CCL17: variants seen among roughly 807,000 people sequenced by gnomAD.
The protein encoded by CCL17 is C-C motif chemokine ligand 17.
In CCL17, 8 loss-of-function variants were observed where a neutral mutation model predicts 7.4. The observed-to-expected ratio is 1.09, with a 90% CI of 0.64 to 1.96. The LOEUF (loss-of-function observed/expected upper bound fraction) is 1.96, where lower values mean the gene tolerates loss of function less well. CCL17 is among the 30% of genes most tolerant of loss of function. The pLI is 0.00. For synonymous variants in CCL17, 40 were observed against 46.1 expected (o/e 0.87, Z 0.54); for missense variants, 102 against 113.0 (o/e 0.90, Z 0.44).
intron 1 of CCL17, among the ~76,000 whole-genome samples, chr16:57,411,334 C>G (rs1902782088): frequency 6.6e-6 from 1 of 152,120 alleles, no homozygotes; most frequent in South Asian, 2.1e-4. Context: ...TCAGCTGCCC[C>G]TGCCAGCCAG....
At chr16:57,402,459 A>C (rs1156423242), upstream of CCL17, among the ~76,000 whole-genome samples, 3 of 152,162 alleles carry the variant, frequency 2.0e-5, no homozygotes, top group African/African-American at 7.2e-5. Context: ...GTTTGGCAGG[A>C]CAATCCCCCC....
chr16:57,397,852 T>G, the CCL17 span, among the ~76,000 whole-genome samples: 4 of 152,354 alleles, frequency 2.6e-5, no homozygotes, highest in South Asian at 2.1e-4. Context: ...TTTCAAGTAC[T>G]GTTACATCAG....
intron 1 of CCL17, among the ~76,000 whole-genome samples, chr16:57,412,600 C>T (rs41525545): frequency 0.027 from 4,094 of 152,308 alleles, 79 homozygotes; most frequent in East Asian, 0.083. Context: ...AAGCCACCTG[C>T]GCCATGTTTT....
rs1423297216 is a variant in CCL17, at chr16:57,415,786, G to A, written c.210G>A (p.Arg70=). The A allele has an allele frequency of 6.2e-6, 10 of 1,612,374 alleles. No homozygotes were observed. Among genetic ancestry groups the A allele is most frequent in the African/African-American group, 2.7e-5 (2 of 74,902 alleles). The part of the protein sequence containing the change: ...DAIVFVTVQG[R]AICSDPNNKR... ...GTAGTTTTGTAACTGTGCAGGGCAG[G>A]GCCATCTGTTCGGACCCCAACAACA... Residue 70 remains arginine (R), a synonymous_variant, in exon 4 of 4, where the codon AGG becomes AGA. Transcript: ENST00000219244. The surrounding 1 kb of genome is among the most constrained non-coding windows in gnomAD (Gnocchi z 4.5).
At chr16:57,396,392 T>C in the CCL17 span, among the ~76,000 whole-genome samples, 1 of 152,200 alleles carries the variant, frequency 6.6e-6, no homozygotes, top group South Asian at 2.1e-4. Flanking sequence ...TTGTTTTCAT[T>C]TTCCCATACT....
chr16:57,403,117 T>G (rs1435958451), upstream of CCL17, among the ~76,000 whole-genome samples: 1 of 107,068 alleles, frequency 9.3e-6, no homozygotes, highest in Non-Finnish European at 1.8e-5. Context: ...TATATATATT[T>G]ATAATATATA....
intron 2 of CCL17, among the ~76,000 whole-genome samples, chr16:57,414,410 C>CTTTTTTTTTT (rs71152269): frequency 1.3e-5 from 1 of 75,994 alleles, no homozygotes; most frequent in Admixed American, 2.0e-4. Flanking sequence ...AAAAAGGATT[C>CTTTTTTTTTT]TTTTTTTTTT....
At position 57,415,013 on chromosome 16, in the gene CCL17, C is replaced by A; in HGVS notation, c.71-68C>A. 1 of 1,012,928 alleles carries A rather than the reference C, an allele frequency of 9.9e-7. No individual in the cohort carries two copies. Among genetic ancestry groups the A allele is most frequent in the Non-Finnish European group, 1.6e-6 (1 of 634,046 alleles). The allele number at this position is 1,012,928 out of a possible 1,614,324, so 62.7% of individuals were successfully genotyped here. On this transcript the variant is annotated intron_variant, in intron 2 of 3. Coordinates refer to ENST00000219244, the MANE Select transcript of CCL17 (RefSeq NM_002987.3). This position sits in a 1 kb window ranked among gnomAD's most constrained non-coding sequence, Gnocchi z 4.5. Reference sequence around the variant, plus strand: ...CACATGCAGATCTTCCACGAACACCCCCCAGAGGTCCCCGCAACACACACG... The same window carrying A: ...CACATGCAGATCTTCCACGAACACCACCCAGAGGTCCCCGCAACACACACG...
chr16:57,414,884 G>C (rs1902843816), intron 2 of CCL17, among the ~76,000 whole-genome samples, 197 bp from the exon 3 acceptor site: 1 of 151,824 alleles, frequency 6.6e-6, no homozygotes, highest in South Asian at 2.1e-4. Flanking sequence ...AACATACACA[G>C]AAGCCTCACA....
chr16:57,412,209 G>A lies in CCL17; in HGVS notation c.-59-1665G>A, dbSNP rs541434828. Among the ~76,000 whole-genome samples, 4 of 152,314 alleles carry A rather than the reference G, an allele frequency of 2.6e-5. No individual in the cohort carries two copies. The South Asian group carries it at 6.2e-4, about 24-fold the overall frequency. ...GAGGTCCAGAGAGGGTCTGTGAGCCGCCGGAGGTCATATAGAGGATGCTGC... is the reference window on the plus strand; with the variant it reads ...GAGGTCCAGAGAGGGTCTGTGAGCCACCGGAGGTCATATAGAGGATGCTGC... On this transcript the variant is annotated intron_variant, in intron 1 of 3. Coordinates refer to ENST00000219244, the MANE Select transcript of CCL17 (RefSeq NM_002987.3).
rs1902865256 is a variant in CCL17, at chr16:57,416,012, T to C, written c.*151T>C. The C allele has an allele frequency of 4.9e-6, 3 of 609,098 alleles. No individual in the cohort carries two copies. The Admixed American group carries it at 8.4e-5, about 17-fold the overall frequency. 37.7% of individuals were successfully genotyped at this position (609,098 alleles called of 1,614,324 possible). ...CAGTGAGGGAGATCCCATCCCCTTG[T>C]CTGAACTGGAGCCATGGGCACAAAG... On this transcript the variant is annotated 3_prime_UTR_variant, in exon 4 of 4. Coordinates refer to ENST00000219244, the MANE Select transcript of CCL17 (RefSeq NM_002987.3).
At chr16:57,414,567 C>T (rs114342048) in intron 2 of CCL17, among the ~76,000 whole-genome samples, 2,162 of 151,638 alleles carry the variant, frequency 0.014, 59 homozygotes, top group African/African-American at 0.049. Context: ...TATAGGTGCC[C>T]GGCCACCACG....
At chr16:57,408,604 T>C (rs549184719) in intron 1 of CCL17, among the ~76,000 whole-genome samples, 113 of 151,986 alleles carry the variant, frequency 7.4e-4, no homozygotes, top group Non-Finnish European at 1.3e-3. Flanking sequence ...AGTCTCACTA[T>C]ATTGCCCAGG....
At chr16:57,411,804 A>G (rs1902788605) in intron 1 of CCL17, among the ~76,000 whole-genome samples, 1 of 152,194 alleles carries the variant, frequency 6.6e-6, no homozygotes, top group Non-Finnish European at 1.5e-5. Context: ...CTGTGCCTGC[A>G]CACCTTCCCC....
At chr16:57,396,478 G>A in the CCL17 span, among the ~76,000 whole-genome samples, 3 of 152,146 alleles carry the variant, frequency 2.0e-5, no homozygotes, top group Non-Finnish European at 2.9e-5. Context: ...GGCTCCCTGT[G>A]TTCTATTTTA....
chr16:57,414,262 T>TG (rs1902831478), intron 2 of CCL17, among the ~76,000 whole-genome samples: 1 of 151,680 alleles, frequency 6.6e-6, no homozygotes, highest in African/African-American at 2.4e-5. Flanking sequence ...GGCCGTGAGG[T>TG]GGGGGCTGTG....
At chr16:57,401,421 G>A (rs1427235204), upstream of CCL17, among the ~76,000 whole-genome samples, 3 of 151,920 alleles carry the variant, frequency 2.0e-5, no homozygotes, top group African/African-American at 7.3e-5. Context: ...CTACTCAGGA[G>A]GCTGAGGTGG....
In CCL17 at chr16:57,409,678, T is replaced by C. The variant is rs74788915; in HGVS notation, c.-59-4196T>C. On this transcript the variant is annotated intron_variant, in intron 1 of 3. Coordinates refer to ENST00000219244, the MANE Select transcript of CCL17 (RefSeq NM_002987.3). ...ACACACTTCGCTGATGGACTGGATG[T>C]GGGCAGTGAGGAAGAGCCCAGGGAC... Among the ~76,000 whole-genome samples the C allele has an allele frequency of 4.5e-3, 688 of 152,240 alleles. 8 individuals are homozygous for C. Among genetic ancestry groups the C allele is most frequent in the East Asian group, 0.031 (159 of 5,180 alleles).
upstream of CCL17, among the ~76,000 whole-genome samples, chr16:57,403,453 T>A (rs572318543): frequency 5.6e-3 from 34 of 6,042 alleles, 4 homozygotes; most frequent in South Asian, 0.019. Flanking sequence ...TATATTATAT[T>A]ATAATATATA....
Sources: gnomAD v4.1 joint callset for allele counts (sites outside exome capture counted in the v4.1 genomes callset) on GRCh38, gnomAD v4.1.1 for gene constraint, Gnocchi (gnomAD v3.1) non-coding constraint, MANE v1.5 for transcripts, NCBI Gene and HGNC (gene_info 2026-07-23, HGNC 2026-07-21) for gene names.